Variants in CENPO observed in about 807,000 individuals in gnomAD.
CENPO encodes the protein centromere protein O, also known as centromeric protein O.
A neutral mutation model predicts 36.1 loss-of-function variants in CENPO; 30 were observed. The observed-to-expected ratio is 0.83, with a 90% CI of 0.62 to 1.13. CENPO has a LOEUF of 1.13. Among genes scored for constraint, CENPO ranks in the 50% most tolerant of loss-of-function variants. The pLI is 0.00. For synonymous variants in CENPO, 171 were observed against 142.3 expected (o/e 1.20, Z -1.44); for missense variants, 349 against 357.8 (o/e 0.98, Z 0.20).
chr2:24,821,777 G>A lies in CENPO; in HGVS notation c.*2459G>A. 7.6e-7 allele frequency: 1 copy of A among 1,322,932 alleles called. No homozygotes were observed. Among genetic ancestry groups the A allele is most frequent in the Non-Finnish European group, 1.0e-6 (1 of 974,942 alleles). 81.9% of individuals were successfully genotyped at this position (1,322,932 alleles called of 1,614,324 possible). On this transcript the variant is annotated 3_prime_UTR_variant, in exon 8 of 8. Coordinates refer to ENST00000380834, the MANE Select transcript of CENPO (RefSeq NM_001322101.2). Reference sequence around the variant, plus strand: ...AGGCCTTACTTTTCCTCCCACAAAGGAGTCGCAGCCACGCTAGCTCTGACT... The same window carrying A: ...AGGCCTTACTTTTCCTCCCACAAAGAAGTCGCAGCCACGCTAGCTCTGACT...
chr2:24,814,626 AC>A, intron 4 of CENPO, 133 bp downstream of exon 4: 1 of 621,876 alleles, frequency 1.6e-6, no homozygotes, highest in South Asian at 1.8e-5. Flanking sequence ...TCACTCACAC[AC>A]ACACACACAC....
At chr2:24,806,186 G>T (rs1197564277) in intron 3 of CENPO, among the ~76,000 whole-genome samples, 1 of 152,186 alleles carries the variant, frequency 6.6e-6, no homozygotes, top group African/African-American at 2.4e-5. Context: ...GCAGTATTGG[G>T]GTGGGAGTGA....
Position 24,794,030 on chromosome 2 carries a change from C to T in CENPO, c.46+65C>T, listed in dbSNP as rs1428518012. 4 of 1,272,568 alleles carry T rather than the reference C, an allele frequency of 3.1e-6. No individual in the cohort carries two copies. The East Asian group carries it at 6.9e-5, about 22-fold the overall frequency. 78.8% of individuals were successfully genotyped at this position (1,272,568 alleles called of 1,614,324 possible). On this transcript the variant is annotated intron_variant, in intron 2 of 7. Coordinates refer to ENST00000380834, the MANE Select transcript of CENPO (RefSeq NM_001322101.2). ...AAGATGACCCGCAGGCTGAGAGAGCCCTTTCCTCCTGGAACTGACGTGGGA... is the reference window on the plus strand; with the variant it reads ...AAGATGACCCGCAGGCTGAGAGAGCTCTTTCCTCCTGGAACTGACGTGGGA...
intron 3 of CENPO, among the ~76,000 whole-genome samples, chr2:24,803,623 A>G (rs2148264293): frequency 6.6e-6 from 1 of 152,238 alleles, no homozygotes; most frequent in East Asian, 1.9e-4. Context: ...TTCAGTTTCC[A>G]TGTAGTTGAG....
At chr2:24,812,280 G>T (rs1189492720) in intron 3 of CENPO, among the ~76,000 whole-genome samples, 3 of 152,012 alleles carry the variant, frequency 2.0e-5, no homozygotes, top group African/African-American at 4.8e-5. Flanking sequence ...TGAAGTTTTG[G>T]CCTTATTAGT....
chr2:24,820,131 A>G lies in CENPO; in HGVS notation c.*813A>G, dbSNP rs752701522. On this transcript the variant is annotated 3_prime_UTR_variant, in exon 8 of 8. Transcript: ENST00000380834. ...TTCTACCACCTGGAGAGGGAGGGGG[A>G]GCAAGAACGTGGCGTTACGGGGGGA... 4 of 1,419,542 alleles carry G rather than the reference A, an allele frequency of 2.8e-6. No homozygotes were observed. Among genetic ancestry groups the G allele is most frequent in the Non-Finnish European group, 2.8e-6 (3 of 1,074,474 alleles). 87.9% of individuals were successfully genotyped at this position (1,419,542 alleles called of 1,614,324 possible).
Position 24,817,653 on chromosome 2 carries a change from G to A in CENPO, c.767-17G>A. The A allele has an allele frequency of 6.2e-7, 1 of 1,613,960 alleles. No homozygotes were observed. The highest frequency in any genetic ancestry group is 8.5e-7 in the Non-Finnish European group (1 of 1,179,990). ...CCCAGCTGCACTGAATGAGATTGAT[G>A]GAATCTTTCTTTTTAGGAGTGGAAG... On this transcript the variant is annotated splice_polypyrimidine_tract_variant and intron_variant, in intron 6 of 7. Coordinates refer to ENST00000380834, the MANE Select transcript of CENPO (RefSeq NM_001322101.2).
chr2:24,805,848 A>G (rs927110527), intron 3 of CENPO, among the ~76,000 whole-genome samples: 1 of 152,128 alleles, frequency 6.6e-6, no homozygotes, highest in Non-Finnish European at 1.5e-5. Flanking sequence ...ACTCTCTTCA[A>G]ACTATCAGAC....
chr2:24,798,589 TAGCTGGGACTACA>T (rs1446724044), intron 2 of CENPO, among the ~76,000 whole-genome samples: 2 of 151,736 alleles, frequency 1.3e-5, no homozygotes, highest in Non-Finnish European at 2.9e-5. Flanking sequence ...GCCTCCTGAG[TAGCTGGGACTACA>T]GGTGCCCGCC....
chr2:24,798,696 G>A (rs1477222384), intron 2 of CENPO, among the ~76,000 whole-genome samples: 8 of 152,016 alleles, frequency 5.3e-5, no homozygotes, highest in Non-Finnish European at 1.0e-4. Flanking sequence ...TCCCGACCTC[G>A]TGATCCACCC....
At chr2:24,798,831 A>T (rs922927454) in intron 2 of CENPO, among the ~76,000 whole-genome samples, 1 of 151,866 alleles carries the variant, frequency 6.6e-6, no homozygotes, top group East Asian at 1.9e-4. Context: ...TCTTAATTGG[A>T]TAGGTGAATG....
At position 24,820,678 on chromosome 2, in the gene CENPO, T is replaced by C. The variant is rs1168848951; in HGVS notation, c.*1360T>C. 1.9e-6 allele frequency: 3 copies of C among 1,611,028 alleles called. No individual in the cohort carries two copies. The African/African-American group carries it at 4.0e-5, about 22-fold the overall frequency. ...TGGGAAAGCACTGTTCCGGTTTTGT[T>C]CTCATGCCGAGTCTGAGCACGTGCC... On this transcript the variant is annotated 3_prime_UTR_variant, in exon 8 of 8. Coordinates refer to ENST00000380834, the MANE Select transcript of CENPO (RefSeq NM_001322101.2).
At chr2:24,816,606 C>T (rs750211744) in intron 5 of CENPO, 40 bp from the exon 6 acceptor site, 19 of 1,473,076 alleles carry the variant, frequency 1.3e-5, no homozygotes, top group Admixed American at 1.1e-4. Context: ...TTTGGAACTG[C>T]AGTCATCCTC....
chr2:24,805,462 A>G (rs945487384), intron 3 of CENPO, among the ~76,000 whole-genome samples: 9 of 147,522 alleles, frequency 6.1e-5, no homozygotes, highest in African/African-American at 1.5e-4. Flanking sequence ...GGTTTTATCT[A>G]CCTTTGGTCT....
Position 24,821,723 on chromosome 2 carries a change from G to C in CENPO, c.*2405G>C. ...TGCTGCCTTCCCTGGCAGTGTTCTGGGGGTGGATTCCCTACACCTAGATGT... is the reference window on the plus strand; with the variant it reads ...TGCTGCCTTCCCTGGCAGTGTTCTGCGGGTGGATTCCCTACACCTAGATGT... On this transcript the variant is annotated 3_prime_UTR_variant, in exon 8 of 8. Coordinates refer to ENST00000380834, the MANE Select transcript of CENPO (RefSeq NM_001322101.2). 6.4e-7 allele frequency: 1 copy of C among 1,560,200 alleles called. No homozygotes were observed. Among genetic ancestry groups the C allele is most frequent in the Non-Finnish European group, 8.7e-7 (1 of 1,152,368 alleles).
chr2:24,821,699 G>A lies in CENPO; in HGVS notation c.*2381G>A. On this transcript the variant is annotated 3_prime_UTR_variant, in exon 8 of 8. Transcript: ENST00000380834. ...GCCGCTCACTGCAGCAGCCTGCTCT[G>A]CTGCCTTCCCTGGCAGTGTTCTGGG... The A allele has an allele frequency of 6.3e-7, 1 of 1,589,222 alleles. No homozygotes were observed.
At chr2:24,814,756 C>T (rs924618367) in intron 4 of CENPO, 8 of 429,462 alleles carry the variant, frequency 1.9e-5, no homozygotes, top group Non-Finnish European at 3.4e-5. Flanking sequence ...CTTAACAGTT[C>T]GTCATGTGCC....
At chr2:24,810,047 C>CA (rs34117565) in intron 3 of CENPO, among the ~76,000 whole-genome samples, 61,318 of 133,360 alleles carry the variant, frequency 0.46, 14,765 homozygotes, top group East Asian at 0.65. Flanking sequence ...AACTATGTCT[C>CA]AAAAAAAAAA....
At chr2:24,805,638 C>T (rs576334646) in intron 3 of CENPO, among the ~76,000 whole-genome samples, 70 of 152,268 alleles carry the variant, frequency 4.6e-4, no homozygotes, top group South Asian at 1.2e-3. Context: ...TGCAGAGCAG[C>T]GAATGTTGGT....
Sources: allele counts gnomAD v4.1 joint callset (sites outside exome capture counted in the v4.1 genomes callset), GRCh38; gene constraint gnomAD v4.1.1; transcripts MANE v1.5; gene names NCBI Gene and HGNC (gene_info 2026-07-23, HGNC 2026-07-21).